PIAS1: variants seen among roughly 807,000 people sequenced by gnomAD.
PIAS1 encodes protein inhibitor of activated STAT 1.
PIAS1 carries 6 observed loss-of-function variants against 71.3 expected under a neutral mutation model. The observed-to-expected ratio is 0.08, with a 90% CI of 0.05 to 0.17. The LOEUF is 0.17. PIAS1 is among the 10% of genes least tolerant of loss of function. The pLI is 1.00. For synonymous variants in PIAS1, 303 were observed against 292.9 expected (o/e 1.03, Z -0.35); for missense variants, 555 against 793.6 (o/e 0.70, Z 3.61).
chr15:68,107,397 G>C (rs750580527), intron 2 of PIAS1, among the ~76,000 whole-genome samples: 3 of 150,280 alleles, frequency 2.0e-5, no homozygotes, highest in Non-Finnish European at 3.0e-5. Flanking sequence ...ATAATAGTGT[G>C]TAAGATTGAG....
intron 1 of PIAS1, among the ~76,000 whole-genome samples, chr15:68,075,514 G>A (rs547231842): frequency 1.6e-4 from 24 of 152,246 alleles, no homozygotes; most frequent in African/African-American, 5.8e-4. Flanking sequence ...TGTAAGTTTT[G>A]TGGAAAGTTA....
chr15:68,146,573 T>A lies in PIAS1; in HGVS notation c.701T>A (p.Leu234His). ...NTKPCSLPGY[L>H]PPTKNGVEPK... ...ATTACATTTCATTTTTAGGGTTACC[T>A]TCCACCTACAAAAAATGGCGTGGAA... Residue 234 changes from leucine (L) to histidine (H), a missense_variant, in exon 6 of 14, where the codon CTT becomes CAT. Transcript: ENST00000249636. 1 of 1,611,478 alleles carries A rather than the reference T, an allele frequency of 6.2e-7. No homozygotes were observed. Among genetic ancestry groups the A allele is most frequent in the Non-Finnish European group, 8.5e-7 (1 of 1,177,918 alleles).
intron 2 of PIAS1, among the ~76,000 whole-genome samples, chr15:68,134,691 G>A (rs2092710589): frequency 2.5e-5 from 1 of 39,410 alleles, no homozygotes; most frequent in African/African-American, 5.1e-5. Flanking sequence ...CCTCCCTCCC[G>A]GAAGGGGTGG....
At position 68,186,658 on chromosome 15, in the gene PIAS1, G is replaced by T. The variant is rs946874589; in HGVS notation, c.1663-884G>T. Among the ~76,000 whole-genome samples the T allele has an allele frequency of 6.6e-6, 1 of 152,224 alleles. No homozygotes were observed. The highest frequency in any genetic ancestry group is 1.5e-5 in the Non-Finnish European group (1 of 68,034). ...CTCACCCAGAGCAACTTCCAGTACT[G>T]CAGGCTCCATTCATGGTAAGTGCCC... On this transcript the variant is annotated intron_variant, in intron 13 of 13. Coordinates refer to ENST00000249636, the MANE Select transcript of PIAS1 (RefSeq NM_016166.3). This position sits in a 1 kb window ranked among gnomAD's most constrained non-coding sequence, Gnocchi z 4.4.
At chr15:68,080,496 G>C (rs997130386) in intron 1 of PIAS1, among the ~76,000 whole-genome samples, 1 of 152,168 alleles carries the variant, frequency 6.6e-6, no homozygotes, top group African/African-American at 2.4e-5. Flanking sequence ...GGAGAAGTAT[G>C]TAACCAACCT....
intron 2 of PIAS1, among the ~76,000 whole-genome samples, chr15:68,132,232 A>C (rs1223227964): frequency 6.6e-6 from 1 of 152,040 alleles, no homozygotes. Flanking sequence ...TAATCCCAGC[A>C]CTTTGGGAGG....
At chr15:68,102,518 G>A (rs771880956) in intron 2 of PIAS1, among the ~76,000 whole-genome samples, 1 of 152,154 alleles carries the variant, frequency 6.6e-6, no homozygotes, top group Non-Finnish European at 1.5e-5. Context: ...CATTAAACCT[G>A]CATATCAATT....
chr15:68,092,900 C>T (rs752883382), intron 2 of PIAS1, among the ~76,000 whole-genome samples: 2 of 152,060 alleles, frequency 1.3e-5, no homozygotes, highest in Non-Finnish European at 2.9e-5. Flanking sequence ...TTATAGCTGC[C>T]CAAATGGATT....
chr15:68,175,742 T>G lies in PIAS1; in HGVS notation c.1275T>G (p.Val425=). Residue 425 remains valine, a synonymous_variant, in exon 10 of 14, where the codon GTT becomes GTG. Transcript: ENST00000249636. ...GATCAAAAAAGGAAGTACAGGAAGT[T>G]TCTGCCTCTTACAATGGAGTCGATG... is the stretch of plus-strand genomic sequence containing the variant. The part of the protein sequence containing the change: ...PMRSKKEVQE[V]SASYNGVDGC... 1 of 1,606,900 alleles carries G rather than the reference T, an allele frequency of 6.2e-7. No homozygotes were observed. Among genetic ancestry groups the G allele is most frequent in the East Asian group, 2.2e-5 (1 of 44,536 alleles).
chr15:68,179,559 ATGTTCTTTTTTTT>A (rs1367650614), intron 11 of PIAS1, among the ~76,000 whole-genome samples: 1 of 45,374 alleles, frequency 2.2e-5, no homozygotes, highest in African/African-American at 7.1e-5. Flanking sequence ...ATCTCGTGAA[ATGTTCTTTTTTTT>A]TTTTTTTTTT....
intron 2 of PIAS1, among the ~76,000 whole-genome samples, chr15:68,122,720 G>C (rs372718320): frequency 6.6e-6 from 1 of 152,098 alleles, no homozygotes; most frequent in East Asian, 1.9e-4. Flanking sequence ...TCTTCATAAA[G>C]TGGGGAACAA....
chr15:68,146,727 T>C (rs1161294570), intron 6 of PIAS1, 27 bp downstream of exon 6: 1 of 1,584,346 alleles, frequency 6.3e-7, no homozygotes, highest in East Asian at 2.2e-5. Flanking sequence ...TTCTACCAGA[T>C]TTTTGTATTA....
rs1412734249 is a variant in PIAS1 at position 68,190,014 on chromosome 15, T to G, written c.*2179T>G. 6.6e-6 allele frequency: 1 copy of G among 152,246 alleles called. No homozygotes were observed. Among genetic ancestry groups the G allele is most frequent in the African/African-American group, 2.4e-5 (1 of 41,472 alleles). The allele number at this position is 152,246 out of a possible 1,614,324, so 9.4% of individuals were successfully genotyped here. ...TAGGTAAAATGAATAGTTTTCTTCC[T>G]GTTTTTTTATGTGTCATTGTTAGTG... is the stretch of plus-strand genomic sequence containing the variant. On this transcript the variant is annotated 3_prime_UTR_variant, in exon 14 of 14. Coordinates refer to ENST00000249636, the MANE Select transcript of PIAS1 (RefSeq NM_016166.3). This position sits in a 1 kb window ranked among gnomAD's most constrained non-coding sequence, Gnocchi z 4.7.
intron 2 of PIAS1, among the ~76,000 whole-genome samples, chr15:68,137,590 A>G (rs137943620): frequency 5.9e-4 from 90 of 152,250 alleles, no homozygotes; most frequent in Non-Finnish European, 1.0e-3. Flanking sequence ...TATGAGAGGA[A>G]CACGGACTTT....
intron 11 of PIAS1, among the ~76,000 whole-genome samples, chr15:68,177,247 C>G (rs1224551366): frequency 7.6e-6 from 1 of 131,170 alleles, no homozygotes; most frequent in Non-Finnish European, 1.6e-5. Context: ...CCATTGCACT[C>G]CAGCCTGGGC....
chr15:68,163,079 G>A (rs570739155), intron 7 of PIAS1, among the ~76,000 whole-genome samples: 1 of 152,308 alleles, frequency 6.6e-6, no homozygotes, highest in East Asian at 1.9e-4. Flanking sequence ...TGCCAGCTAT[G>A]TAGGTAGCCC....
At position 68,141,984 on chromosome 15, in the gene PIAS1, G is replaced by A. The variant is rs764610111; in HGVS notation, c.508G>A (p.Ala170Thr). Residue 170 changes from alanine to threonine, a missense_variant, in exon 3 of 14, where the codon GCA becomes ACA. By Grantham distance (58) the Ala-to-Thr change is moderately conservative. Around this residue, in one of 5 missense-constraint regions of PIAS1, gnomAD observed 134 missense variants for 203.4 expected, o/e 0.66. Transcript: ENST00000249636. Reference protein sequence around the residue: ...NSQRFRETCFAFALTPQQVQQ... With the variant: ...NSQRFRETCFTFALTPQQVQQ... ...TCAGCGCTTTCGAGAAACCTGTTTT[G>A]CATTTGCCTTGACACCACAACAAGT... is the stretch of plus-strand genomic sequence containing the variant. The A allele has an allele frequency of 6.2e-7, 1 of 1,604,108 alleles. No individual in the cohort carries two copies. Among genetic ancestry groups the A allele is most frequent in the South Asian group, 1.1e-5 (1 of 89,392 alleles).
At chr15:68,113,749 T>C (rs1476978825) in intron 2 of PIAS1, among the ~76,000 whole-genome samples, 1 of 152,096 alleles carries the variant, frequency 6.6e-6, no homozygotes, top group Non-Finnish European at 1.5e-5. Flanking sequence ...TTATTAAGGA[T>C]GGGCTTATTA....
chr15:68,129,824 C>G (rs1343480369), intron 2 of PIAS1, among the ~76,000 whole-genome samples: 1 of 151,034 alleles, frequency 6.6e-6, no homozygotes, highest in Non-Finnish European at 1.5e-5. Context: ...CACACACACA[C>G]ACACACACAC....
Sources: allele counts gnomAD v4.1 joint callset (sites outside exome capture counted in the v4.1 genomes callset), GRCh38; gene constraint gnomAD v4.1.1; regional missense constraint gnomAD v4.1.1; non-coding constraint Gnocchi (gnomAD v3.1); transcripts MANE v1.5; gene names NCBI Gene and HGNC (gene_info 2026-07-23, HGNC 2026-07-21).